BNIP2: variants seen among roughly 807,000 people sequenced by gnomAD.
The protein encoded by BNIP2 is BCL2 interacting protein 2.
Under a neutral mutation model 43.4 loss-of-function variants are expected in BNIP2, and 36 were observed. The observed-to-expected ratio is 0.83, with a 90% confidence interval of 0.64 to 1.10. The LOEUF is 1.10. Ranked by LOEUF, BNIP2 falls within the 50% of genes least tolerant of loss-of-function variation. BNIP2 has a pLI of 0.00. For synonymous variants in BNIP2, 146 were observed against 121.0 expected (o/e 1.21, Z -1.35); for missense variants, 417 against 374.1 (o/e 1.11, Z -0.95).
Position 59,663,766 on chromosome 15 carries a change from A to AGAT in BNIP2, c.*300_*302dup, listed in dbSNP as rs1566949884. On this transcript the variant is annotated 3_prime_UTR_variant, in exon 10 of 10. Coordinates refer to ENST00000607373, the MANE Select transcript of BNIP2 (RefSeq NM_004330.4). ...ATGCATATAAATATTTCACCGAAGAAGATGCATCATTCAATAAACAAATGC... is the reference window on the plus strand; with the variant it reads ...ATGCATATAAATATTTCACCGAAGAAGATGATGCATCATTCAATAAACAAATGC... 1 of 222,346 alleles carries AGAT rather than the reference A, an allele frequency of 4.5e-6. No homozygotes were observed. The highest frequency in any genetic ancestry group is 8.7e-6 in the Non-Finnish European group (1 of 115,050). The allele number at this position is 222,346 out of a possible 1,614,324, so 13.8% of individuals were successfully genotyped here.
chr15:59,664,530 C>T (rs533112671), intron 9 of BNIP2, among the ~76,000 whole-genome samples: 1 of 151,776 alleles, frequency 6.6e-6, no homozygotes, highest in South Asian at 2.1e-4. Flanking sequence ...TACAGGCGCC[C>T]GCCACCATGC....
At chr15:59,678,956 G>C (rs1224955594) in intron 4 of BNIP2, 1 of 922,572 alleles carries the variant, frequency 1.1e-6, no homozygotes. Flanking sequence ...GAAGAAAAAA[G>C]AAACCAAAAA....
intron 6 of BNIP2, chr15:59,672,428 C>T (rs1478923751): frequency 2.4e-6 from 1 of 415,904 alleles, no homozygotes; most frequent in Non-Finnish European, 4.4e-6. Context: ...CCCATACTAC[C>T]ATGCCTGGCT....
At chr15:59,668,773 C>T (rs1030188171) in intron 9 of BNIP2, 119 bp downstream of exon 9, 9 of 817,458 alleles carry the variant, frequency 1.1e-5, no homozygotes, top group African/African-American at 7.2e-5. Flanking sequence ...CACACACACA[C>T]GCGCGCGCGC....
chr15:59,673,036 G>C (rs936931207), intron 5 of BNIP2, among the ~76,000 whole-genome samples: 11 of 151,838 alleles, frequency 7.2e-5, no homozygotes, highest in African/African-American at 1.9e-4. Context: ...CAAATATAGT[G>C]ATATAACCCA....
chr15:59,667,031 T>C lies in BNIP2; in HGVS notation c.893+1861A>G, dbSNP rs1204447114. ...CAGCTGGCTTCAAAATATTCTACAA[T>C]TACAAATCATATTTTTAATTTCAGC... On this transcript the variant is annotated intron_variant, in intron 9 of 9. Coordinates refer to ENST00000607373, the MANE Select transcript of BNIP2 (RefSeq NM_004330.4). Among the ~76,000 whole-genome samples the C allele has an allele frequency of 2.0e-5, 3 of 152,330 alleles. No individual in the cohort carries two copies. The East Asian group carries it at 5.8e-4, about 29-fold the overall frequency.
intron 1 of BNIP2, chr15:59,688,664 G>A (rs1307529758): frequency 1.3e-6 from 2 of 1,510,708 alleles, no homozygotes; most frequent in East Asian, 4.9e-5. Context: ...GCGTACTAGG[G>A]AAGATCTATT....
At chr15:59,677,363 T>C in intron 5 of BNIP2, 1 of 1,546,758 alleles carries the variant, frequency 6.5e-7, no homozygotes, top group South Asian at 1.2e-5. Context: ...CCATGGGAGA[T>C]GACTCTTAAG....
chr15:59,688,723 G>C (rs1416896087), intron 1 of BNIP2: 12 of 1,535,482 alleles, frequency 7.8e-6, no homozygotes, highest in Non-Finnish European at 9.6e-6. Flanking sequence ...CCGCGGTTAC[G>C]AGGCATACCA....
Position 59,682,805 on chromosome 15 carries a change from T to C in BNIP2, c.-57-291A>G, listed in dbSNP as rs183841973. ...AGGTTATGATTGAAAATATATTTCA[T>C]ACTATGGATTATATTAAAAAATTTG... On this transcript the variant is annotated intron_variant, in intron 1 of 9. Coordinates refer to ENST00000607373, the MANE Select transcript of BNIP2 (RefSeq NM_004330.4). 1.0e-3 allele frequency among the ~76,000 whole-genome samples: 155 copies of C among 152,316 alleles called. 2 individuals carry two copies. Among genetic ancestry groups the C allele is most frequent in the Non-Finnish European group, 8.8e-5 (6 of 68,038 alleles).
chr15:59,677,195 A>G, intron 5 of BNIP2: 1 of 1,595,774 alleles, frequency 6.3e-7, no homozygotes, highest in Non-Finnish European at 8.6e-7. Flanking sequence ...CAGTGGAACC[A>G]CATGGGATAT....
intron 5 of BNIP2, 86 bp downstream of exon 5, chr15:59,677,825 T>C: frequency 6.8e-7 from 1 of 1,469,538 alleles, no homozygotes; most frequent in East Asian, 2.3e-5. Flanking sequence ...AGGGCTTATT[T>C]ACTCTTAATA....
rs767347527 is a variant in BNIP2 at position 59,679,627 on chromosome 15, G to A, written c.260C>T (p.Thr87Ile). 2 of 1,613,150 alleles carry A rather than the reference G, an allele frequency of 1.2e-6. No individual in the cohort carries two copies. Among genetic ancestry groups the A allele is most frequent in the Admixed American group, 1.7e-5 (1 of 59,918 alleles). The change falls in exon 4 of 10, where the codon ACA (threonine) becomes ATA (isoleucine). Residue 87 changes from threonine to isoleucine, a missense_variant. By Grantham distance (89) the Thr-to-Ile change is moderately conservative. Transcript: ENST00000607373. ...SGEIDLDGLD[T>I]PSENSNEFEW... ...AAACTCATTACTATTCTCTGACGGT[G>A]TGTCTAAGCCATCTAAGTCAATCTC...
At chr15:59,664,670 C>G (rs571614035) in intron 9 of BNIP2, among the ~76,000 whole-genome samples, 1 of 152,028 alleles carries the variant, frequency 6.6e-6, no homozygotes, top group African/African-American at 2.4e-5. Flanking sequence ...CGTGAGCCAC[C>G]GTGCCCAGCC....
At position 59,682,478 on chromosome 15, in the gene BNIP2, C is replaced by T; in HGVS notation, c.-21G>A. The T allele has an allele frequency of 6.2e-7, 1 of 1,613,612 alleles. No individual in the cohort carries two copies. Among genetic ancestry groups the T allele is most frequent in the Non-Finnish European group, 8.5e-7 (1 of 1,179,760 alleles). On this transcript the variant is annotated 5_prime_UTR_variant, in exon 2 of 10. Transcript: ENST00000607373. ...TCCATCCTCAGCCTGGATTCAATGT[C>T]AACTACAAACTCTTGATAATCCAGG...
At chr15:59,664,919 TAC>T (rs1201846339) in intron 9 of BNIP2, among the ~76,000 whole-genome samples, 10 of 152,234 alleles carry the variant, frequency 6.6e-5, no homozygotes, top group African/African-American at 2.4e-4. Context: ...AACTTATTGG[TAC>T]ACAGTTTGTG....
intron 9 of BNIP2, among the ~76,000 whole-genome samples, chr15:59,666,603 A>T (rs1366894375): frequency 6.6e-6 from 1 of 152,102 alleles, no homozygotes; most frequent in Non-Finnish European, 1.5e-5. Flanking sequence ...GGAGGCAGAG[A>T]TTGCAGTTAG....
intron 2 of BNIP2, among the ~76,000 whole-genome samples, chr15:59,680,758 C>A (rs1231038579): frequency 6.6e-6 from 1 of 152,164 alleles, no homozygotes; most frequent in Admixed American, 6.5e-5. Context: ...CAGTGGCACA[C>A]CAACATGCCC....
chr15:59,689,020 C>T lies in BNIP2; in HGVS notation c.-58+115G>A. ...GGCTCCCCCTACCAAGGGTAACTCT[C>T]TGGGTTTCCTCTCCCCGGACGTCGT... On this transcript the variant is annotated intron_variant, in intron 1 of 9. Transcript: ENST00000607373. 5 of 1,449,020 alleles carry T rather than the reference C, an allele frequency of 3.5e-6. No individual in the cohort carries two copies. The East Asian group carries it at 7.5e-5, about 22-fold the overall frequency. The allele number at this position is 1,449,020 out of a possible 1,614,324, so 89.8% of individuals were successfully genotyped here.
Sources: allele counts gnomAD v4.1 joint callset (sites outside exome capture counted in the v4.1 genomes callset), GRCh38; gene constraint gnomAD v4.1.1; transcripts MANE v1.5; gene names NCBI Gene and HGNC (gene_info 2026-07-23, HGNC 2026-07-21).